Variants in HDAC4 observed in about 807,000 individuals in gnomAD.
The protein encoded by HDAC4 is histone deacetylase 4, also known as histone deacetylase A.
In HDAC4, 16 loss-of-function variants were observed where a neutral mutation model predicts 135.1. The observed-to-expected ratio is 0.12, with a 90% CI of 0.08 to 0.18. The LOEUF (loss-of-function observed/expected upper bound fraction) is 0.18, where lower values mean the gene tolerates loss of function less well. HDAC4 is among the 10% of genes least tolerant of loss of function. The probability of loss-of-function intolerance (pLI) is 1.00; values close to 1 mark genes in which losing one functional copy is unlikely to be tolerated. For synonymous variants in HDAC4, 685 were observed against 653.4 expected (o/e 1.05, Z -0.74); for missense variants, 1,143 against 1,511.8 (o/e 0.76, Z 4.05).
chr2:239,228,900 G>C (rs949437888), intron 3 of HDAC4, among the ~76,000 whole-genome samples: 4 of 152,132 alleles, frequency 2.6e-5, no homozygotes. Flanking sequence ...CCAGCACTTT[G>C]GGAGGCTGAG....
At chr2:239,211,624 T>C (rs537826616) in intron 3 of HDAC4, among the ~76,000 whole-genome samples, 1 of 152,220 alleles carries the variant, frequency 6.6e-6, no homozygotes, top group Admixed American at 6.5e-5. Context: ...CTTGGGACTT[T>C]GTCTGAAGCA....
At chr2:239,196,706 T>C (rs1380717068) in intron 3 of HDAC4, among the ~76,000 whole-genome samples, 1 of 151,924 alleles carries the variant, frequency 6.6e-6, no homozygotes, top group South Asian at 2.1e-4. Flanking sequence ...GAAGGTGTGG[T>C]CTGGGGGGTG....
intron 2 of HDAC4, among the ~76,000 whole-genome samples, chr2:239,242,973 TG>T (rs2048272392): frequency 6.6e-6 from 1 of 152,136 alleles, no homozygotes; most frequent in South Asian, 2.1e-4. Flanking sequence ...CAAACCAGCG[TG>T]GTCAGGCCCA....
In HDAC4 at chr2:239,052,779, G is replaced by A; in HGVS notation, c.*318C>T. Reference sequence around the variant, plus strand: ...GAATTCGGCAGCTCGGCCGCCTGTTGCCACAGGCTCCTTTCTTCCACGGCG... The same window carrying A: ...GAATTCGGCAGCTCGGCCGCCTGTTACCACAGGCTCCTTTCTTCCACGGCG... On this transcript the variant is annotated 3_prime_UTR_variant, in exon 27 of 27. Coordinates refer to ENST00000543185, the MANE Select transcript of HDAC4 (RefSeq NM_001378414.1). The A allele has an allele frequency of 2.4e-6, 1 of 424,488 alleles. No individual in the cohort carries two copies. The highest frequency in any genetic ancestry group is 4.3e-6 in the Non-Finnish European group (1 of 233,128). The allele number at this position is 424,488 out of a possible 1,614,324, so 26.3% of individuals were successfully genotyped here.
At chr2:239,079,901 C>G (rs534718781) in intron 22 of HDAC4, among the ~76,000 whole-genome samples, 3 of 152,258 alleles carry the variant, frequency 2.0e-5, no homozygotes, top group East Asian at 3.9e-4. Context: ...GAGATATGCA[C>G]ACACACGTAT....
At chr2:239,163,210 A>G (rs1429791370) in intron 6 of HDAC4, among the ~76,000 whole-genome samples, 1 of 152,144 alleles carries the variant, frequency 6.6e-6, no homozygotes, top group East Asian at 1.9e-4. Flanking sequence ...AAAATAATAG[A>G]AGTACCACGG....
At chr2:239,172,840 G>C (rs1202858116) in intron 5 of HDAC4, among the ~76,000 whole-genome samples, 1 of 151,900 alleles carries the variant, frequency 6.6e-6, no homozygotes, top group Non-Finnish European at 1.5e-5. Context: ...TTAAAGGTCT[G>C]ACAGACATAA....
In HDAC4 at chr2:239,213,061, C is replaced by T. The variant is rs778265178; in HGVS notation, c.95-22984G>A. Among the ~76,000 whole-genome samples, 10 of 152,150 alleles carry T rather than the reference C, an allele frequency of 6.6e-5. No individual in the cohort carries two copies. The East Asian group carries it at 7.7e-4, about 12-fold the overall frequency. On this transcript the variant is annotated intron_variant, in intron 3 of 26. Coordinates refer to ENST00000543185, the MANE Select transcript of HDAC4 (RefSeq NM_001378414.1). ...CCCTCCCTGCAATCGCCCAGGAAAA[C>T]GCAAAGCTGGAGGAGGTGTGGCATC...
Position 239,081,988 on chromosome 2 carries a change from C to T in HDAC4, c.2652+114G>A, listed in dbSNP as rs781236739. On this transcript the variant is annotated intron_variant, in intron 21 of 26. Coordinates refer to ENST00000543185, the MANE Select transcript of HDAC4 (RefSeq NM_001378414.1). ...AAGTTACTGTCTGGGCTTAAGTGAGCACGAAGGCCGCACTCACTGCTGCCG... is the reference window on the plus strand; with the variant it reads ...AAGTTACTGTCTGGGCTTAAGTGAGTACGAAGGCCGCACTCACTGCTGCCG... 105 of 1,121,306 alleles carry T rather than the reference C, an allele frequency of 9.4e-5. 1 individual carries two copies. The highest frequency in any genetic ancestry group is 1.3e-4 in the Non-Finnish European group (99 of 754,402). 69.5% of individuals were successfully genotyped at this position (1,121,306 alleles called of 1,614,324 possible).
chr2:239,275,989 T>G (rs2050337781), intron 2 of HDAC4, among the ~76,000 whole-genome samples: 1 of 151,952 alleles, frequency 6.6e-6, no homozygotes, highest in Non-Finnish European at 1.5e-5. Flanking sequence ...GTGGACAGGC[T>G]CCGCCCAAGC....
rs2052634591 is a variant in HDAC4 at position 239,307,122 on chromosome 2, T to TCA, written c.22+45555_22+45556insTG. Among the ~76,000 whole-genome samples, 1 of 152,030 alleles carries TCA rather than the reference T, an allele frequency of 6.6e-6. No homozygotes were observed. Among genetic ancestry groups the TCA allele is most frequent in the East Asian group, 1.9e-4 (1 of 5,152 alleles). ...CATCTCAGGCCACACCCTCCAGCTC[T>TCA]GTGCCTGCCGTCCATCCTGGGTGCC... is the stretch of plus-strand genomic sequence containing the variant. On this transcript the variant is annotated intron_variant, in intron 2 of 26. Coordinates refer to ENST00000543185, the MANE Select transcript of HDAC4 (RefSeq NM_001378414.1). This position sits in a 1 kb window ranked among gnomAD's most constrained non-coding sequence, Gnocchi z 4.8.
intron 24 of HDAC4, among the ~76,000 whole-genome samples, chr2:239,065,254 TGTAA>T (rs1026602979): frequency 3.3e-5 from 5 of 152,248 alleles, no homozygotes; most frequent in Middle Eastern, 3.4e-3. Context: ...GCAAGGCACC[TGTAA>T]GTGTGTGACC....
At position 239,115,040 on chromosome 2, in the gene HDAC4, C is replaced by A; in HGVS notation, c.1791+13G>T. The A allele has an allele frequency of 1.2e-6, 2 of 1,608,432 alleles. No homozygotes were observed. Among genetic ancestry groups the A allele is most frequent in the African/African-American group, 2.7e-5 (2 of 75,062 alleles). ...CGTGCCAGCCTTCTGGTGCCCTCCC[C>A]GCCTGCGGTCACCTGTCTGAAGAGC... is the stretch of plus-strand genomic sequence containing the variant. On this transcript the variant is annotated intron_variant, in intron 13 of 26. Transcript: ENST00000543185. This position sits in a 1 kb window ranked among gnomAD's most constrained non-coding sequence, Gnocchi z 6.3.
chr2:239,223,140 C>T (rs1478247965), intron 3 of HDAC4, among the ~76,000 whole-genome samples: 2 of 152,238 alleles, frequency 1.3e-5, no homozygotes, highest in Admixed American at 1.3e-4. Flanking sequence ...CATAAGAACG[C>T]ATTTCAGAAT....
intron 15 of HDAC4, among the ~76,000 whole-genome samples, chr2:239,107,212 C>T (rs1222157302): frequency 6.6e-6 from 1 of 152,236 alleles, no homozygotes; most frequent in African/African-American, 2.4e-5. Context: ...GACAGCCTCA[C>T]CAAAGTGCGG....
At chr2:239,296,825 C>T (rs981721714) in intron 2 of HDAC4, among the ~76,000 whole-genome samples, 2 of 151,940 alleles carry the variant, frequency 1.3e-5, no homozygotes, top group Non-Finnish European at 2.9e-5. Context: ...ATTTAGAAAG[C>T]GTGGATTAAT....
At chr2:239,187,024 G>A (rs1350700903) in intron 4 of HDAC4, 1 of 152,676 alleles carries the variant, frequency 6.5e-6, no homozygotes, top group Non-Finnish European at 1.5e-5. Flanking sequence ...TCGGGGTGGG[G>A]TCCTAATCAT....
intron 12 of HDAC4, among the ~76,000 whole-genome samples, chr2:239,125,735 T>A (rs556064689): frequency 6.6e-6 from 1 of 152,360 alleles, no homozygotes; most frequent in Non-Finnish European, 1.5e-5. Context: ...GCATGTTAGT[T>A]TTCCTCTTCA....
intron 24 of HDAC4, among the ~76,000 whole-genome samples, chr2:239,061,207 T>C (rs1238887140): frequency 6.6e-6 from 1 of 152,114 alleles, no homozygotes; most frequent in African/African-American, 2.4e-5. Context: ...GTGGGGTATG[T>C]GTGCGTGTGT....
Sources: allele counts gnomAD v4.1 joint callset (sites outside exome capture counted in the v4.1 genomes callset), GRCh38; gene constraint gnomAD v4.1.1; non-coding constraint Gnocchi (gnomAD v3.1); transcripts MANE v1.5; gene names NCBI Gene and HGNC (gene_info 2026-07-23, HGNC 2026-07-21).